Variants in CARMIL3 observed in about 807,000 individuals in gnomAD.
CARMIL3 encodes capping protein, Arp2/3 and myosin-I linker protein 3.
CARMIL3 carries 88 observed loss-of-function variants against 180.8 expected under a neutral mutation model. The ratio of observed to expected loss-of-function variants is 0.49; its 90% CI spans 0.41 to 0.58. The LOEUF (loss-of-function observed/expected upper bound fraction) is 0.58. Among genes scored for constraint, CARMIL3 ranks in the 20% least tolerant of loss-of-function variants. The probability of loss-of-function intolerance (pLI) is 0.00; values close to 1 mark genes in which losing one functional copy is unlikely to be tolerated. For synonymous variants in CARMIL3, 696 were observed against 714.5 expected (o/e 0.97, Z 0.41); for missense variants, 1,548 against 1,787.0 (o/e 0.87, Z 2.41).
In CARMIL3 at chr14:24,053,720, A is replaced by T. The variant is rs1225230359; in HGVS notation, c.52A>T (p.Arg18Trp). 6.2e-7 allele frequency: 1 copy of T among 1,611,734 alleles called. No individual in the cohort carries two copies. The highest frequency in any genetic ancestry group is 8.5e-7 in the Non-Finnish European group (1 of 1,178,676). The change falls in exon 2 of 40, where the codon AGG becomes TGG. Residue 18 changes from arginine (R) to tryptophan (W), a missense_variant. Transcript: ENST00000342740. ...CCACCCCCCCTCAGACAGCATCCGG[A>T]GGTGCCTGAGCCAAGGGGCCGTGCT... ...LTRELQDSIR[R>W]CLSQGAVLQQ...
Position 24,063,465 on chromosome 14 carries a change from C to T in CARMIL3, c.2911C>T (p.Leu971=). The change falls in exon 31 of 40, where the codon CTA becomes TTA. Residue 971 remains leucine (L), a synonymous_variant. Transcript: ENST00000342740. ...TGAGCTGCCCACTCATGGTTACAAA[C>T]TAAGGCATCAAACACAAGGGAGGCC... ...LSELPTHGYK[L]RHQTQGRPRP... 6.2e-7 allele frequency: 1 copy of T among 1,613,858 alleles called. No homozygotes were observed. Among genetic ancestry groups the T allele is most frequent in the Non-Finnish European group, 8.5e-7 (1 of 1,180,008 alleles).
chr14:24,057,707 A>G, intron 14 of CARMIL3, 96 bp from the exon 15 acceptor site: 1 of 1,036,088 alleles, frequency 9.7e-7, no homozygotes, highest in South Asian at 1.3e-5. Flanking sequence ...GAGAATGAAG[A>G]GCCAGGAACC....
chr14:24,060,839 C>T (rs377596032), intron 25 of CARMIL3, 83 bp downstream of exon 25: 10 of 1,555,440 alleles, frequency 6.4e-6, no homozygotes, highest in Non-Finnish European at 8.7e-6. Context: ...CAGCCCTGCC[C>T]TGTGCATCTG....
chr14:24,055,860 A>G (rs2035667143), intron 10 of CARMIL3, 71 bp downstream of exon 10: 5 of 1,371,648 alleles, frequency 3.6e-6, no homozygotes, highest in South Asian at 3.6e-5. Flanking sequence ...ACCTCAGAGC[A>G]TGATGCAGGC....
At chr14:24,064,931 T>C (rs556712945) in intron 32 of CARMIL3, 27 bp from the exon 33 acceptor site, 1 of 1,603,302 alleles carries the variant, frequency 6.2e-7, no homozygotes, top group Admixed American at 1.7e-5. Flanking sequence ...CTGGCATTTG[T>C]TGCTAACTTA....
chr14:24,061,147 A>C lies in CARMIL3; in HGVS notation c.2304+107A>C. ...GGGAGACTTCTGGAGGGCCAGGAGG[A>C]CATGCAGAGTTGAGACCACCCACGC... On this transcript the variant is annotated intron_variant, in intron 26 of 39. Transcript: ENST00000342740. The surrounding 1 kb of genome is among the most constrained non-coding windows in gnomAD (Gnocchi z 4.1). 1 of 1,007,566 alleles carries C rather than the reference A, an allele frequency of 9.9e-7. No homozygotes were observed. Among genetic ancestry groups the C allele is most frequent in the East Asian group, 2.6e-5 (1 of 38,132 alleles). 62.4% of individuals were successfully genotyped at this position (1,007,566 alleles called of 1,614,324 possible).
chr14:24,063,328 G>A lies in CARMIL3; in HGVS notation c.2774G>A (p.Gly925Glu), dbSNP rs554041774. ...KIRPVSAFIS[G>E]SPQDMESQLG... ...TCTAATGCTGCTGTCTTTGCAGGCG[G>A]GAGCCCTCAGGACATGGAAAGCCAA... The change falls in exon 31 of 40, where the codon GGG (glycine) becomes GAG (glutamate). Residue 925 changes from glycine to glutamate, a missense_variant. Physicochemically the swap from Gly to Glu is moderately conservative, Grantham distance 98 (BLOSUM62 -2). Coordinates refer to ENST00000342740, the MANE Select transcript of CARMIL3 (RefSeq NM_138360.4). The A allele has an allele frequency of 1.3e-6, 2 of 1,595,602 alleles. No homozygotes were observed. The highest frequency in any genetic ancestry group is 1.7e-6 in the Non-Finnish European group (2 of 1,167,144).
rs1043302425 is a variant in CARMIL3, at chr14:24,054,762, A to G, written c.414A>G (p.Thr138=). 1 of 1,614,054 alleles carries G rather than the reference A, an allele frequency of 6.2e-7. No individual in the cohort carries two copies. The highest frequency in any genetic ancestry group is 8.5e-7 in the Non-Finnish European group (1 of 1,179,988). ...NADTPEGPRD[T]SPNSETSTST... is the part of the protein sequence containing the mutation. ...ACACCCCAGAGGGGCCCCGAGATAC[A>G]TCCCCCAACTCTGAGACTTCCACAT... Residue 138 remains threonine (T), a synonymous_variant, in exon 6 of 40, where the codon ACA becomes ACG. Coordinates refer to ENST00000342740, the MANE Select transcript of CARMIL3 (RefSeq NM_138360.4). This position sits in a 1 kb window ranked among gnomAD's most constrained non-coding sequence, Gnocchi z 5.1.
intron 25 of CARMIL3, 34 bp from the exon 26 acceptor site, chr14:24,060,893 C>T: frequency 6.5e-7 from 1 of 1,545,774 alleles, no homozygotes; most frequent in Non-Finnish European, 8.8e-7. Context: ...AGTCCTGGTT[C>T]TGGCCTGCTA....
intron 33 of CARMIL3, 28 bp downstream of exon 33, chr14:24,065,301 T>C: frequency 1.4e-6 from 2 of 1,480,226 alleles, no homozygotes; most frequent in South Asian, 1.4e-5. Context: ...TGCTGTGTCT[T>C]CCCCTTTTCC....
chr14:24,066,265 TG>T, intron 34 of CARMIL3, 132 bp from the exon 35 acceptor site: 1 of 1,084,708 alleles, frequency 9.2e-7, no homozygotes, highest in Non-Finnish European at 1.3e-6. Flanking sequence ...TGCCACTCTT[TG>T]GGAAACAGTT....
chr14:24,056,261 C>A (rs1010297782), intron 10 of CARMIL3, 38 bp from the exon 11 acceptor site: 1 of 1,556,712 alleles, frequency 6.4e-7, no homozygotes. Flanking sequence ...GGACCTGGGG[C>A]TCAGCTCAGG....
At chr14:24,056,171 G>A (rs2138712489) in intron 10 of CARMIL3, 128 bp from the exon 11 acceptor site, 3 of 712,774 alleles carry the variant, frequency 4.2e-6, no homozygotes, top group Non-Finnish European at 4.8e-6. Flanking sequence ...GCCCTGAGCT[G>A]TTCCCCTGTT....
In CARMIL3 at chr14:24,065,145, G is replaced by A. The variant is rs2035773052; in HGVS notation, c.3268G>A (p.Glu1090Lys). The A allele has an allele frequency of 2.9e-6, 4 of 1,372,730 alleles. No individual in the cohort carries two copies. The African/African-American group carries it at 4.9e-5, about 17-fold the overall frequency. The allele number at this position is 1,372,730 out of a possible 1,614,324, so 85.0% of individuals were successfully genotyped here. Residue 1090 changes from glutamate (E) to lysine (K), a missense_variant, in exon 33 of 40, where the codon GAG becomes AAG. By Grantham distance (56) the Glu-to-Lys change is moderately conservative. Coordinates refer to ENST00000342740, the MANE Select transcript of CARMIL3 (RefSeq NM_138360.4). ...ACCCCCACCCCCTCCCCCGACTCAG[G>A]AGAGCCCCCCTAGCCCAGACCCCCC... ...PPPPPPPPTQ[E>K]SPPSPDPPSL...
At position 24,063,472 on chromosome 14, in the gene CARMIL3, A is replaced by T; in HGVS notation, c.2918A>T (p.His973Leu). 1 of 1,613,844 alleles carries T rather than the reference A, an allele frequency of 6.2e-7. No individual in the cohort carries two copies. The highest frequency in any genetic ancestry group is 8.5e-7 in the Non-Finnish European group (1 of 1,180,022). The change falls in exon 31 of 40, where the codon CAT becomes CTT. Residue 973 changes from histidine to leucine, a missense_variant. Physicochemically the swap from His to Leu is moderately conservative, Grantham distance 99. This residue lies in a region of CARMIL3 where 668 missense variants were observed against 687.8 expected (regional missense o/e 0.97). Transcript: ENST00000342740. ...ELPTHGYKLRHQTQGRPRPPR... is the reference protein window; with the variant it reads ...ELPTHGYKLRLQTQGRPRPPR... ...CCCACTCATGGTTACAAACTAAGGCATCAAACACAAGGGAGGCCCCGCCCC... is the reference window on the plus strand; with the variant it reads ...CCCACTCATGGTTACAAACTAAGGCTTCAAACACAAGGGAGGCCCCGCCCC...
At chr14:24,063,097 G>A (rs1473187981) in intron 29 of CARMIL3, 23 bp from the exon 30 acceptor site, 15 of 1,608,266 alleles carry the variant, frequency 9.3e-6, no homozygotes, top group African/African-American at 1.3e-5. Context: ...GCCTGGCCCT[G>A]CCACTCGTCT....
chr14:24,069,491 G>T lies in CARMIL3; in HGVS notation c.*87G>T. On this transcript the variant is annotated 3_prime_UTR_variant, in exon 40 of 40. Transcript: ENST00000342740. The stretch of plus-strand genomic sequence containing the variant: ...CCACCCCCAGTCCCCAGGGCCCCCT[G>T]CCAGCCCCTGTCCTACAGGGGCAAG... The T allele has an allele frequency of 6.4e-7, 1 of 1,560,292 alleles. No homozygotes were observed.
rs770272599 is a variant in CARMIL3, at chr14:24,054,075, CCT to C, written c.136-6_136-5del. 3.7e-6 allele frequency: 6 copies of C among 1,613,080 alleles called. No individual in the cohort carries two copies. The highest frequency in any genetic ancestry group is 3.3e-5 in the Admixed American group (2 of 60,006). On this transcript the variant is annotated splice_polypyrimidine_tract_variant and intron_variant, in intron 2 of 39. Coordinates refer to ENST00000342740, the MANE Select transcript of CARMIL3 (RefSeq NM_138360.4). The surrounding 1 kb of genome is among the most constrained non-coding windows in gnomAD (Gnocchi z 5.1). ...AGCTGCCATGAGCTGCCGATTTTTTCCTCTCTCTGTAGGCCCTGACCTCCTGG... is the reference window on the plus strand; with the variant it reads ...AGCTGCCATGAGCTGCCGATTTTTTCCTCTCTGTAGGCCCTGACCTCCTGG...
chr14:24,064,354 G>A lies in CARMIL3; in HGVS notation c.3080+8G>A, dbSNP rs1285915011. 2.5e-6 allele frequency: 4 copies of A among 1,592,274 alleles called. No homozygotes were observed. In the African/African-American group the frequency reaches 4.0e-5, roughly 16 times the overall value. On this transcript the variant is annotated splice_region_variant and intron_variant, in intron 32 of 39. Coordinates refer to ENST00000342740, the MANE Select transcript of CARMIL3 (RefSeq NM_138360.4). ...CCTGGAGGAAAGTTCTAGGTGTGATGCCTAAACACACTCCCATTTTCAGCA... is the reference window on the plus strand; with the variant it reads ...CCTGGAGGAAAGTTCTAGGTGTGATACCTAAACACACTCCCATTTTCAGCA...
Sources: gnomAD v4.1 joint callset for allele counts on GRCh38, gnomAD v4.1.1 for gene constraint, gnomAD v4.1.1 regional missense constraint, Gnocchi (gnomAD v3.1) non-coding constraint, MANE v1.5 for transcripts, NCBI Gene and HGNC (gene_info 2026-07-23, HGNC 2026-07-21) for gene names.